The following ZSCAN20 variants were observed in gnomAD, a reference collection of about 807,000 sequenced individuals.
ZSCAN20 encodes zinc finger and SCAN domain containing 20, also known as zinc finger and SCAN domain-containing protein 20.
A neutral mutation model predicts 97.1 loss-of-function variants in ZSCAN20; 39 were observed. That is an observed-to-expected ratio of 0.40 (90% CI 0.31 to 0.52). The LOEUF (loss-of-function observed/expected upper bound fraction) is 0.52, where lower values mean the gene tolerates loss of function less well. ZSCAN20 is among the 20% of genes least tolerant of loss of function. The pLI is 0.49. For missense variants in ZSCAN20, 1,115 were observed against 1,290.4 expected (o/e 0.86, Z 2.08); for synonymous variants, 456 against 467.3 (o/e 0.98, Z 0.31).
intron 2 of ZSCAN20, 69 bp from the exon 3 acceptor site, chr1:33,488,396 G>A: frequency 6.6e-7 from 1 of 1,521,782 alleles, no homozygotes; most frequent in Non-Finnish European, 9.0e-7. Context: ...CTGGACTGCA[G>A]TTGTACTCAA....
In ZSCAN20 at chr1:33,494,964, C is replaced by T. The variant is rs781222091; in HGVS notation, c.2620C>T (p.Leu874Phe). Residue 874 changes from leucine to phenylalanine, a missense_variant, in exon 8 of 8, where the codon CTT becomes TTT. Coordinates refer to ENST00000684572, the MANE Select transcript of ZSCAN20 (RefSeq NM_001377376.1). ...ACACAGCACAAACTCAGGGGAGAAA[C>T]TTTATGAGTGTTCTGAATGTGGAAG... ...GPHSTNSGEK[L>F]YECSECGRSF... is the part of the protein sequence containing the mutation. The T allele has an allele frequency of 6.2e-7, 1 of 1,614,148 alleles. No homozygotes were observed. The highest frequency in any genetic ancestry group is 2.2e-5 in the East Asian group (1 of 44,874).
rs1652918773 is a variant in ZSCAN20, at chr1:33,497,558, T to C, written c.*2082T>C. Among the ~76,000 whole-genome samples, 1 of 151,980 alleles carries C rather than the reference T, an allele frequency of 6.6e-6. No individual in the cohort carries two copies. Among genetic ancestry groups the C allele is most frequent in the Non-Finnish European group, 1.5e-5 (1 of 67,996 alleles). ...CTGAGGACCTCACATGTGAATGGAG[T>C]GTCAACACCAGGCCCGGGGCAATGT... is the stretch of plus-strand genomic sequence containing the variant. On this transcript the variant is annotated 3_prime_UTR_variant, in exon 8 of 8. Coordinates refer to ENST00000684572, the MANE Select transcript of ZSCAN20 (RefSeq NM_001377376.1).
At chr1:33,481,217 C>A (rs538939158) in intron 2 of ZSCAN20, among the ~76,000 whole-genome samples, 1 of 151,988 alleles carries the variant, frequency 6.6e-6, no homozygotes, top group African/African-American at 2.4e-5. Context: ...TTAAAGAAAC[C>A]AGCTGTTTGT....
chr1:33,484,577 T>A (rs1449518441), intron 2 of ZSCAN20, among the ~76,000 whole-genome samples: 1 of 152,052 alleles, frequency 6.6e-6, no homozygotes, highest in Non-Finnish European at 1.5e-5. Flanking sequence ...TTTTATACAT[T>A]GTTGGATTTG....
At chr1:33,484,633 T>TC (rs1652285837) in intron 2 of ZSCAN20, among the ~76,000 whole-genome samples, 1 of 151,650 alleles carries the variant, frequency 6.6e-6, no homozygotes. Flanking sequence ...TTTTTTTTTT[T>TC]TTTAGCTGGA....
chr1:33,487,175 G>A (rs1652402252), intron 2 of ZSCAN20, among the ~76,000 whole-genome samples: 1 of 152,210 alleles, frequency 6.6e-6, no homozygotes, highest in Non-Finnish European at 1.5e-5. Context: ...AAAGAACGGG[G>A]TCGATGGGAT....
At chr1:33,485,123 C>A (rs1468214080) in intron 2 of ZSCAN20, among the ~76,000 whole-genome samples, 1 of 152,036 alleles carries the variant, frequency 6.6e-6, no homozygotes, top group Non-Finnish European at 1.5e-5. Flanking sequence ...ACCAGTGGAC[C>A]CATCTGAGCT....
In ZSCAN20 at chr1:33,493,375, C is replaced by T. The variant is rs1375244002; in HGVS notation, c.1633C>T (p.Arg545Ter). The part of the protein sequence containing the change: ...QCRYRFKNLL[R>*]SYRKAKSSHP... ...TCGCTACAGATTCAAAAACCTCCTT[C>T]GAAGCTACCGGAAAGCCAAGAGCAG... is the stretch of plus-strand genomic sequence containing the variant. Residue 545 changes from arginine (R) to a stop codon, truncating the protein, a stop_gained, in exon 7 of 8, where the codon CGA becomes TGA. Transcript: ENST00000684572. LOFTEE classifies it high-confidence loss of function. This position sits in a 1 kb window ranked among gnomAD's most constrained non-coding sequence, Gnocchi z 4.3. The T allele has an allele frequency of 2.5e-6, 4 of 1,614,196 alleles. No individual in the cohort carries two copies. Among genetic ancestry groups the T allele is most frequent in the African/African-American group, 1.3e-5 (1 of 75,046 alleles).
intron 3 of ZSCAN20, among the ~76,000 whole-genome samples, chr1:33,488,910 T>G (rs1570558047): frequency 6.6e-6 from 1 of 151,806 alleles, no homozygotes; most frequent in African/African-American, 2.4e-5. Flanking sequence ...TCACAGGAGG[T>G]CAGGGCTGGC....
chr1:33,495,020 T>G lies in ZSCAN20; in HGVS notation c.2676T>G (p.Ser892Arg). The G allele has an allele frequency of 6.2e-7, 1 of 1,613,916 alleles. No individual in the cohort carries two copies. Among genetic ancestry groups the G allele is most frequent in the Middle Eastern group, 1.6e-4 (1 of 6,062 alleles). ...RSFSKSSALI[S>R]HQRIHTGEKP... ...TCTCTAAGAGCTCTGCCCTCATTAG[T>G]CACCAAAGAATCCATACGGGAGAGA... Residue 892 changes from serine to arginine, a missense_variant, in exon 8 of 8, where the codon AGT (serine) becomes AGG (arginine). Coordinates refer to ENST00000684572, the MANE Select transcript of ZSCAN20 (RefSeq NM_001377376.1).
chr1:33,496,600 T>G lies in ZSCAN20; in HGVS notation c.*1124T>G, dbSNP rs1381109551. 6.6e-6 allele frequency: 1 copy of G among 152,218 alleles called. No homozygotes were observed. The highest frequency in any genetic ancestry group is 1.5e-5 in the Non-Finnish European group (1 of 68,040). 9.4% of individuals were successfully genotyped at this position (152,218 alleles called of 1,614,324 possible). On this transcript the variant is annotated 3_prime_UTR_variant, in exon 8 of 8. Coordinates refer to ENST00000684572, the MANE Select transcript of ZSCAN20 (RefSeq NM_001377376.1). ...TCTTTTTCTCAGGGGACAGTCCTAC[T>G]TCTTGCCATGCTTGGCTGATCATAG...
At chr1:33,480,054 C>G (rs544792378) in intron 2 of ZSCAN20, among the ~76,000 whole-genome samples, 18 of 152,230 alleles carry the variant, frequency 1.2e-4, no homozygotes, top group Non-Finnish European at 2.6e-4. Context: ...TGCCTAACCA[C>G]TACTCCAAAC....
Position 33,497,814 on chromosome 1 carries a change from C to T in ZSCAN20, c.*2338C>T, listed in dbSNP as rs1429329386. The stretch of plus-strand genomic sequence containing the variant: ...TGACTGGGTAGAGCATGTCCTCATT[C>T]AGAATTGGGAGCACAAGGAGGAGAG... On this transcript the variant is annotated 3_prime_UTR_variant, in exon 8 of 8. Transcript: ENST00000684572. Among the ~76,000 whole-genome samples the T allele has an allele frequency of 6.6e-6, 1 of 151,992 alleles. No individual in the cohort carries two copies. The highest frequency in any genetic ancestry group is 1.5e-5 in the Non-Finnish European group (1 of 68,012).
Position 33,500,211 on chromosome 1 carries a change from A to G in ZSCAN20, c.*4735A>G, listed in dbSNP as rs1653018746. Among the ~76,000 whole-genome samples, 1 of 152,108 alleles carries G rather than the reference A, an allele frequency of 6.6e-6. No homozygotes were observed. The highest frequency in any genetic ancestry group is 6.5e-5 in the Admixed American group (1 of 15,280). On this transcript the variant is annotated 3_prime_UTR_variant, in exon 8 of 8. Coordinates refer to ENST00000684572, the MANE Select transcript of ZSCAN20 (RefSeq NM_001377376.1). ...AATAAATGCATGTTTTCGGGGGGCAAAGGCAGGTTCCTTCCTTACCTTATT... is the reference window on the plus strand; with the variant it reads ...AATAAATGCATGTTTTCGGGGGGCAGAGGCAGGTTCCTTCCTTACCTTATT...
rs1652854825 is a variant in ZSCAN20 at position 33,496,160 on chromosome 1, A to G, written c.*684A>G. ...AGGCTTGGGAAATTAAGTAACTCGCACTGGTCACACATCTGTAAGTGGGAG... is the reference window on the plus strand; with the variant it reads ...AGGCTTGGGAAATTAAGTAACTCGCGCTGGTCACACATCTGTAAGTGGGAG... On this transcript the variant is annotated 3_prime_UTR_variant, in exon 8 of 8. Transcript: ENST00000684572. 6.6e-6 allele frequency: 1 copy of G among 152,172 alleles called. No individual in the cohort carries two copies. Among genetic ancestry groups the G allele is most frequent in the African/African-American group, 2.4e-5 (1 of 41,432 alleles). 9.4% of individuals were successfully genotyped at this position (152,172 alleles called of 1,614,324 possible). A position where few individuals can be genotyped will look rare whatever the true frequency, so the allele number is the denominator to read the frequency against.
intron 4 of ZSCAN20, 152 bp from the exon 5 acceptor site, chr1:33,489,366 T>TTTGGGG: frequency 1.0e-6 from 1 of 980,924 alleles, no homozygotes; most frequent in Non-Finnish European, 1.6e-6. Context: ...CAAACACATG[T>TTTGGGG]ATGTACCAAA....
chr1:33,477,828 A>G (rs1651993018), intron 1 of ZSCAN20, among the ~76,000 whole-genome samples: 1 of 151,758 alleles, frequency 6.6e-6, no homozygotes, highest in Admixed American at 6.6e-5. Flanking sequence ...ATTACAGTAA[A>G]GCATGATCTG....
At chr1:33,475,704 G>T (rs1032061663) in intron 1 of ZSCAN20, among the ~76,000 whole-genome samples, 5 of 151,832 alleles carry the variant, frequency 3.3e-5, no homozygotes, top group African/African-American at 1.2e-4. Context: ...CTGTTGCCCA[G>T]GCTGGAGTGC....
At position 33,479,180 on chromosome 1, in the gene ZSCAN20, G is replaced by A; in HGVS notation, c.-109G>A. The A allele has an allele frequency of 4.1e-6, 5 of 1,215,530 alleles. No homozygotes were observed. Among genetic ancestry groups the A allele is most frequent in the Non-Finnish European group, 5.8e-6 (5 of 864,428 alleles). 75.3% of individuals were successfully genotyped at this position (1,215,530 alleles called of 1,614,324 possible). On this transcript the variant is annotated splice_region_variant and 5_prime_UTR_variant, in exon 2 of 8. Transcript: ENST00000684572. ...CTATCCTTTGTCTTTCTGCCTTAGA[G>A]CCTTGGGGAGCAGTCCCTTTTCTAG...
Sources: gnomAD v4.1 joint callset for allele counts (sites outside exome capture counted in the v4.1 genomes callset) on GRCh38, gnomAD v4.1.1 for gene constraint, Gnocchi (gnomAD v3.1) non-coding constraint, MANE v1.5 for transcripts, NCBI Gene and HGNC (gene_info 2026-07-23, HGNC 2026-07-21) for gene names.